Variants in MLIP observed in about 807,000 individuals in gnomAD.
MLIP encodes the protein muscular LMNA-interacting protein.
MLIP carries 79 observed loss-of-function variants against 84.8 expected under a neutral mutation model. That is an observed-to-expected ratio of 0.93 (90% CI 0.78 to 1.12). MLIP has a LOEUF of 1.12. Ranked by LOEUF, MLIP falls within the 50% of genes most tolerant of loss-of-function variation. The pLI, the probability that MLIP is intolerant of heterozygous loss-of-function variation, is 0.00. For missense variants in MLIP, 1,257 were observed against 1,160.6 expected (o/e 1.08, Z -1.21); for synonymous variants, 504 against 463.0 (o/e 1.09, Z -1.14).
chr6:54,121,432 C>G lies in MLIP; in HGVS notation c.97-15C>G. ...TTGACAAGGCTGAAAGTCTAATTAACTACATGTCTCATAGGTCTCTGCTGG... is the reference window on the plus strand; with the variant it reads ...TTGACAAGGCTGAAAGTCTAATTAAGTACATGTCTCATAGGTCTCTGCTGG... On this transcript the variant is annotated splice_polypyrimidine_tract_variant and intron_variant, in intron 1 of 13. Coordinates refer to ENST00000502396, the MANE Select transcript of MLIP (RefSeq NM_001281747.2). 1 of 1,612,502 alleles carries G rather than the reference C, an allele frequency of 6.2e-7. No individual in the cohort carries two copies. Among genetic ancestry groups the G allele is most frequent in the South Asian group, 1.1e-5 (1 of 90,496 alleles).
At chr6:54,205,746 G>A (rs1778990063) in intron 11 of MLIP, among the ~76,000 whole-genome samples, 1 of 152,040 alleles carries the variant, frequency 6.6e-6, no homozygotes, top group Admixed American at 6.6e-5. Context: ...GCATAGGCCA[G>A]GAAGCATCAT....
chr6:54,105,569 A>T (rs1300299135), intron 1 of MLIP, among the ~76,000 whole-genome samples: 1 of 152,218 alleles, frequency 6.6e-6, no homozygotes, highest in Admixed American at 6.5e-5. Context: ...CCTCATGGTG[A>T]TTAAAATCCA....
chr6:54,121,735 A>G (rs144363072), intron 2 of MLIP, 133 bp downstream of exon 2: 17 of 674,454 alleles, frequency 2.5e-5, no homozygotes, highest in Non-Finnish European at 3.4e-5. Context: ...TAAAAATATA[A>G]TAATGCAACA....
intron 3 of MLIP, among the ~76,000 whole-genome samples, chr6:54,131,770 A>T (rs1456288833): frequency 1.3e-5 from 2 of 152,366 alleles, no homozygotes; most frequent in Admixed American, 1.3e-4. Flanking sequence ...GTTGCTTAAC[A>T]AACCATGCCA....
At chr6:54,196,590 G>A (rs1778314124) in intron 10 of MLIP, among the ~76,000 whole-genome samples, 1 of 151,960 alleles carries the variant, frequency 6.6e-6, no homozygotes, top group South Asian at 2.1e-4. Context: ...TATCATTGAT[G>A]GGCACTTGGG....
chr6:54,160,539 G>C lies in MLIP; in HGVS notation c.2379G>C (p.Arg793Ser). ...PVELYFPAQL[R>S]QQTEELCATI... Reference sequence around the variant, plus strand: ...AGCTCTATTTTCCTGCACAGCTCAGGCAGCAAACTGAAGAGCTCTGTGCTA... The same window carrying C: ...AGCTCTATTTTCCTGCACAGCTCAGCCAGCAAACTGAAGAGCTCTGTGCTA... Residue 793 changes from arginine to serine, a missense_variant, in exon 7 of 14, where the codon AGG becomes AGC. Coordinates refer to ENST00000502396, the MANE Select transcript of MLIP (RefSeq NM_001281747.2). 1 of 1,612,566 alleles carries C rather than the reference G, an allele frequency of 6.2e-7. No homozygotes were observed. Among genetic ancestry groups the C allele is most frequent in the Non-Finnish European group, 8.5e-7 (1 of 1,179,186 alleles).
At chr6:54,026,643 T>C (rs749724342) in intron 1 of MLIP, among the ~76,000 whole-genome samples, 1 of 151,640 alleles carries the variant, frequency 6.6e-6, no homozygotes, top group Admixed American at 6.6e-5. Flanking sequence ...ACTGGAAAAA[T>C]GAAAAAGCGA....
chr6:54,058,210 G>A (rs1390526441), intron 1 of MLIP, among the ~76,000 whole-genome samples: 1 of 151,948 alleles, frequency 6.6e-6, no homozygotes, highest in African/African-American at 2.4e-5. Flanking sequence ...TTTATAATTG[G>A]GTCTTTACTT....
In MLIP at chr6:54,049,682, C is replaced by T. The variant is rs76046900; in HGVS notation, c.63+30591C>T. 4.6e-4 allele frequency among the ~76,000 whole-genome samples: 70 copies of T among 152,258 alleles called. 1 individual carries two copies. The East Asian group carries it at 6.4e-3, about 14-fold the overall frequency. On this transcript the variant is annotated intron_variant, in intron 1 of 12. Transcript: ENST00000274897. The stretch of plus-strand genomic sequence containing the variant: ...TCAGCTAAACACCACTACTTACCCC[C>T]AATCTCCAATTCTAAGTCTTATCTT...
intron 12 of MLIP, among the ~76,000 whole-genome samples, chr6:54,252,168 A>C (rs1782642707): frequency 9.9e-6 from 1 of 101,294 alleles, no homozygotes; most frequent in Non-Finnish European, 1.7e-5. Context: ...ATATATAACT[A>C]TATTATAACA....
In MLIP at chr6:54,197,161, T is replaced by C. The variant is rs1417392; in HGVS notation, c.2590-4944T>C. ...AGGTCATACAGCACCCTTGTAGGCA[T>C]TGCTTTGTAGGCACTACCAGGGCTT... On this transcript the variant is annotated intron_variant, in intron 10 of 13. Transcript: ENST00000502396. Among the ~76,000 whole-genome samples the C allele has an allele frequency of 3.7e-3, 568 of 152,164 alleles. 6 individuals are homozygous for C. The highest frequency in any genetic ancestry group is 0.012 in the African/African-American group (489 of 41,542).
intron 1 of MLIP, among the ~76,000 whole-genome samples, chr6:54,035,179 C>A (rs1028678377): frequency 2.0e-5 from 3 of 152,156 alleles, no homozygotes; most frequent in African/African-American, 7.2e-5. Context: ...GCCAAGGACT[C>A]ATTTCTTAGA....
chr6:54,028,953 A>G (rs1763973607), intron 1 of MLIP: 1 of 152,118 alleles, frequency 6.6e-6, no homozygotes, highest in African/African-American at 2.4e-5. Flanking sequence ...GAAATTTGCA[A>G]TGTGCTTTTT....
At chr6:54,184,993 A>C (rs1376081723) in intron 9 of MLIP, among the ~76,000 whole-genome samples, 3 of 152,312 alleles carry the variant, frequency 2.0e-5, no homozygotes, top group Non-Finnish European at 4.4e-5. Context: ...ATTTATTTTT[A>C]GGTACTTCAA....
At chr6:54,043,476 C>T (rs1314299193) in intron 1 of MLIP, 1 of 152,198 alleles carries the variant, frequency 6.6e-6, no homozygotes, top group Non-Finnish European at 1.5e-5. Flanking sequence ...TTGGATTTAT[C>T]CTACATGTTT....
At chr6:54,020,572 G>A (rs1464941907) in intron 1 of MLIP, among the ~76,000 whole-genome samples, 1 of 152,142 alleles carries the variant, frequency 6.6e-6, no homozygotes, top group East Asian at 1.9e-4. Context: ...AGTAAACAGA[G>A]GACATGGGGC....
At chr6:54,257,865 C>G (rs781148198) in intron 13 of MLIP, among the ~76,000 whole-genome samples, 9 of 152,042 alleles carry the variant, frequency 5.9e-5, no homozygotes, top group Non-Finnish European at 1.3e-4. Context: ...CATATCAGCT[C>G]AATCATAGCC....
chr6:54,024,931 G>C (rs906618612), intron 1 of MLIP, among the ~76,000 whole-genome samples: 2 of 151,850 alleles, frequency 1.3e-5, no homozygotes, highest in Non-Finnish European at 2.9e-5. Context: ...TCTGCCTCCC[G>C]GGTTCAAGCA....
At chr6:54,180,151 T>C (rs1776710070) in intron 9 of MLIP, among the ~76,000 whole-genome samples, 1 of 152,172 alleles carries the variant, frequency 6.6e-6, no homozygotes, top group South Asian at 2.1e-4. Flanking sequence ...GACTATCTCC[T>C]GGCCTGTAAT....
Sources: allele counts gnomAD v4.1 joint callset (sites outside exome capture counted in the v4.1 genomes callset), GRCh38; gene constraint gnomAD v4.1.1; transcripts MANE v1.5; gene names NCBI Gene and HGNC (gene_info 2026-07-23, HGNC 2026-07-21).